The following SYNE1 variants were observed in gnomAD, a reference collection of about 807,000 sequenced individuals.
SYNE1 encodes nesprin-1.
In SYNE1, 616 loss-of-function variants were observed where a neutral mutation model predicts 1,111.0. The ratio of observed to expected loss-of-function variants is 0.55; its 90% CI spans 0.52 to 0.59. SYNE1 has a LOEUF of 0.59. SYNE1 is among the 20% of genes least tolerant of loss of function. The pLI, the probability that SYNE1 is intolerant of heterozygous loss-of-function variation, is 0.00. For synonymous variants in SYNE1, 3,855 were observed against 3,825.8 expected (o/e 1.01, Z -0.28); for missense variants, 10,006 against 10,417.0 (o/e 0.96, Z 1.72).
intron 8 of SYNE1, 114 bp from the exon 9 acceptor site, chr6:152,505,511 T>C: frequency 8.6e-7 from 1 of 1,167,352 alleles, no homozygotes. Flanking sequence ...GAGAGCTGTA[T>C]CAGTTCATTG....
At chr6:152,584,992 T>C (rs531124972) in intron 3 of SYNE1, among the ~76,000 whole-genome samples, 1 of 152,300 alleles carries the variant, frequency 6.6e-6, no homozygotes, top group South Asian at 2.1e-4. Flanking sequence ...TATCTTGAAT[T>C]GTAGTTCCCG....
Position 152,461,608 on chromosome 6 carries a change from G to T in SYNE1, c.2383C>A (p.Gln795Lys). 1 of 1,613,958 alleles carries T rather than the reference G, an allele frequency of 6.2e-7. No homozygotes were observed. The highest frequency in any genetic ancestry group is 8.5e-7 in the Non-Finnish European group (1 of 1,179,924). Residue 795 changes from glutamine (Q) to lysine (K), a missense_variant, in exon 21 of 146, where the codon CAG becomes AAG. Physicochemically the swap from Gln to Lys is moderately conservative, Grantham distance 53. This residue lies in a region of SYNE1 where 1,971 missense variants were observed against 2,084.1 expected (regional missense o/e 0.95). Transcript: ENST00000367255. ...AATTATTTTCGCACCTTGGTTAGCT[G>T]CTCTTTGAGCTTTGACATGGTCGCA... ...MFATMSKLKE[Q>K]LTKVKECYSP... is the part of the protein sequence containing the mutation.
intron 98 of SYNE1, among the ~76,000 whole-genome samples, chr6:152,270,436 G>A (rs1277747402): frequency 1.3e-5 from 2 of 152,136 alleles, no homozygotes; most frequent in African/African-American, 4.8e-5. Context: ...TTGCTAAGCT[G>A]GCTTGGAGAA....
intron 142 of SYNE1, 138 bp downstream of exon 142, chr6:152,134,966 A>T: frequency 1.7e-6 from 2 of 1,155,420 alleles, no homozygotes; most frequent in Non-Finnish European, 2.5e-6. Flanking sequence ...ACAGGGAGTT[A>T]AAAAAGTGTA....
At chr6:152,194,011 G>GA (rs139484534) in intron 127 of SYNE1, among the ~76,000 whole-genome samples, 10,249 of 134,100 alleles carry the variant, frequency 0.076, 390 homozygotes, top group African/African-American at 0.11. Context: ...AGACTGTCTC[G>GA]AAAAAAAAAA....
chr6:152,369,403 T>C (rs80332719), intron 60 of SYNE1, 68 bp downstream of exon 60: 4 of 1,609,870 alleles, frequency 2.5e-6, no homozygotes, highest in Non-Finnish European at 3.4e-6. Context: ...TGAGCATGCA[T>C]CTGTAAGGTC....
intron 34 of SYNE1, 194 bp downstream of exon 34, chr6:152,433,601 T>C (rs1392953316): frequency 1.3e-5 from 8 of 606,152 alleles, no homozygotes; most frequent in Admixed American, 8.8e-5. Context: ...ACAATGTGAA[T>C]ACATAATTCC....
chr6:152,248,946 C>A (rs1025228987), intron 105 of SYNE1, among the ~76,000 whole-genome samples: 1 of 152,078 alleles, frequency 6.6e-6, no homozygotes, highest in African/African-American at 2.4e-5. Flanking sequence ...CCATGGATAC[C>A]TTTTCCCAGC....
intron 138 of SYNE1, among the ~76,000 whole-genome samples, chr6:152,142,373 T>C (rs1159840525): frequency 3.9e-5 from 6 of 152,224 alleles, no homozygotes; most frequent in African/African-American, 1.2e-4. Context: ...CATGGGAACT[T>C]TCTTGCATTA....
At chr6:152,482,107 T>C (rs2098907383) in intron 14 of SYNE1, among the ~76,000 whole-genome samples, 1 of 152,168 alleles carries the variant, frequency 6.6e-6, no homozygotes, top group Admixed American at 6.5e-5. Context: ...TCATCAAATC[T>C]TGCCGTGGCC....
rs749045504 is a variant in SYNE1 at position 152,463,505 on chromosome 6, T to C, written c.1945A>G (p.Asn649Asp). 8.7e-6 allele frequency: 14 copies of C among 1,612,902 alleles called. 1 individual carries two copies. In the Admixed American group the frequency reaches 2.3e-4, roughly 27 times the overall value. The change falls in exon 19 of 146, where the codon AAT becomes GAT. Residue 649 changes from asparagine (N) to aspartate (D), a missense_variant. Transcript: ENST00000367255. ...TGCTGCTGAATCCAATGAGGTAAAT[T>C]TCGAAAAAAATCCTAAACAATAAAT... is the stretch of plus-strand genomic sequence containing the variant. Reference protein sequence around the residue: ...SENAKKDFFRNLPHWIQQHTA... With the variant: ...SENAKKDFFRDLPHWIQQHTA...
intron 145 of SYNE1, among the ~76,000 whole-genome samples, chr6:152,123,651 G>A (rs1358399171): frequency 2.6e-5 from 4 of 152,046 alleles, no homozygotes; most frequent in African/African-American, 4.8e-5. Context: ...TGTTGTTTAC[G>A]ACAGGCATTT....
chr6:152,302,941 A>G (rs2095249158), intron 91 of SYNE1, among the ~76,000 whole-genome samples: 1 of 152,104 alleles, frequency 6.6e-6, no homozygotes, highest in Non-Finnish European at 1.5e-5. Context: ...GTAACTATAG[A>G]TTCATTTTAG....
intron 107 of SYNE1, 129 bp from the exon 108 acceptor site, chr6:152,239,835 G>T: frequency 1.0e-6 from 1 of 953,132 alleles, no homozygotes; most frequent in Non-Finnish European, 1.6e-6. Flanking sequence ...GAAGTGGGTG[G>T]ATTACCTGAG....
At chr6:152,311,501 A>G (rs1327573925) in intron 87 of SYNE1, among the ~76,000 whole-genome samples, 5 of 152,222 alleles carry the variant, frequency 3.3e-5, no homozygotes, top group African/African-American at 1.2e-4. Flanking sequence ...TGTACAGTCT[A>G]TGAAAAGTAG....
chr6:152,158,903 T>C (rs1167053924), intron 131 of SYNE1, among the ~76,000 whole-genome samples: 1 of 152,202 alleles, frequency 6.6e-6, no homozygotes, highest in Non-Finnish European at 1.5e-5. Flanking sequence ...TTTGAGGGGA[T>C]TTATAATCAT....
chr6:152,201,940 T>C lies in SYNE1; in HGVS notation c.23029A>G (p.Lys7677Glu), dbSNP rs760917870. The C allele has an allele frequency of 5.6e-6, 9 of 1,613,982 alleles. No individual in the cohort carries two copies. The South Asian group carries it at 9.9e-5, about 18-fold the overall frequency. ...GAATCTGCTATTCCTTTCTCACATTTTTCCCAGTCCTATCATGGGAATAAA... is the reference window on the plus strand; with the variant it reads ...GAATCTGCTATTCCTTTCTCACATTCTTCCCAGTCCTATCATGGGAATAAA... ...KLAFLLKDWEKCEKGIADSLE... is the reference protein window; with the variant it reads ...KLAFLLKDWEECEKGIADSLE... Residue 7677 changes from lysine (K) to glutamate (E), a missense_variant, in exon 127 of 146, where the codon AAA (lysine) becomes GAA (glutamate). Around this residue, in one of 7 missense-constraint regions of SYNE1, gnomAD observed 2,182 missense variants for 2,287.8 expected, o/e 0.95. Transcript: ENST00000367255.
chr6:152,260,225 A>G (rs1033788437), intron 101 of SYNE1, among the ~76,000 whole-genome samples: 2 of 152,194 alleles, frequency 1.3e-5, no homozygotes, highest in Non-Finnish European at 2.9e-5. Flanking sequence ...TCAGAACTGT[A>G]CATACCTCTC....
intron 3 of SYNE1, among the ~76,000 whole-genome samples, chr6:152,555,335 AC>A (rs775254083): frequency 1.3e-5 from 2 of 152,168 alleles, no homozygotes; most frequent in Non-Finnish European, 2.9e-5. Context: ...CTGTATTTTT[AC>A]TGTACTTTTT....
Sources: gnomAD v4.1 joint callset for allele counts (sites outside exome capture counted in the v4.1 genomes callset) on GRCh38, gnomAD v4.1.1 for gene constraint, gnomAD v4.1.1 regional missense constraint, MANE v1.5 for transcripts, NCBI Gene and HGNC (gene_info 2026-07-23, HGNC 2026-07-21) for gene names.